Variants in RBFOX1 observed in about 807,000 individuals in gnomAD.
The protein encoded by RBFOX1 is RNA binding fox-1 homolog 1, also known as RNA binding protein fox-1 homolog 1.
In RBFOX1, 8 loss-of-function variants were observed where a neutral mutation model predicts 57.7. The ratio of observed to expected loss-of-function variants is 0.14; its 90% CI spans 0.08 to 0.25. The LOEUF (loss-of-function observed/expected upper bound fraction) is 0.25, where lower values mean the gene tolerates loss of function less well. Ranked by LOEUF, RBFOX1 falls within the 10% of genes least tolerant of loss-of-function variation. The pLI is 1.00. For synonymous variants in RBFOX1, 326 were observed against 222.4 expected (o/e 1.47, Z -4.15); for missense variants, 611 against 548.5 (o/e 1.11, Z -1.14).
intron 2 of RBFOX1, among the ~76,000 whole-genome samples, chr16:5,575,708 C>G (rs2046428931): frequency 6.6e-6 from 1 of 152,156 alleles, no homozygotes; most frequent in Admixed American, 6.5e-5. Flanking sequence ...ATTTGCCTTG[C>G]TTGATCTAAT....
At chr16:6,262,310 A>C (rs1171060538) in intron 1 of RBFOX1, among the ~76,000 whole-genome samples, 1 of 152,196 alleles carries the variant, frequency 6.6e-6, no homozygotes, top group Non-Finnish European at 1.5e-5. Flanking sequence ...AATTTCACTT[A>C]CATTTCATTA....
intron 2 of RBFOX1, among the ~76,000 whole-genome samples, chr16:5,525,607 C>T (rs551324366): frequency 3.3e-5 from 5 of 149,870 alleles, no homozygotes; most frequent in African/African-American, 1.2e-4. Context: ...AAGCAATTCT[C>T]CTGCCTCAGC....
chr16:5,389,503 G>C (rs1475715944), intron 1 of RBFOX1, among the ~76,000 whole-genome samples: 7 of 151,998 alleles, frequency 4.6e-5, no homozygotes. Context: ...TGTCCTCTGG[G>C]AGGCAAAGTC....
intron 4 of RBFOX1, among the ~76,000 whole-genome samples, chr16:7,233,634 T>C (rs1052385330): frequency 2.0e-5 from 3 of 152,214 alleles, no homozygotes; most frequent in Non-Finnish European, 4.4e-5. Flanking sequence ...GACATCCGAT[T>C]GTTTCCCTGG....
intron 9 of RBFOX1, among the ~76,000 whole-genome samples, chr16:7,604,896 G>A (rs2095223030): frequency 6.6e-6 from 1 of 152,160 alleles, no homozygotes. Context: ...GTATGGGAAA[G>A]ACACCATCTC....
intron 1 of RBFOX1, among the ~76,000 whole-genome samples, chr16:5,291,266 T>C (rs537482930): frequency 3.7e-4 from 54 of 147,570 alleles, no homozygotes; most frequent in African/African-American, 1.3e-3. Context: ...CATTGGTTTT[T>C]TTTTTTTTTT....
At chr16:6,322,174 C>T (rs17222960) in intron 2 of RBFOX1, among the ~76,000 whole-genome samples, 57,218 of 152,030 alleles carry the variant, frequency 0.38, 11,264 homozygotes, top group East Asian at 0.59. Flanking sequence ...GGACTTCTTA[C>T]TTACGTATCT....
At position 6,788,521 on chromosome 16, in the gene RBFOX1, G is replaced by A. The variant is rs578097666; in HGVS notation, c.-16+133871G>A. On this transcript the variant is annotated intron_variant, in intron 3 of 15. Transcript: ENST00000550418. Reference sequence around the variant, plus strand: ...CAGAGTCTCTTGCTCTGTCGCCCACGCTGGAGTGCAGTGGCGTGATCTCGG... The same window carrying A: ...CAGAGTCTCTTGCTCTGTCGCCCACACTGGAGTGCAGTGGCGTGATCTCGG... Among the ~76,000 whole-genome samples the A allele has an allele frequency of 7.9e-5, 12 of 151,188 alleles. No homozygotes were observed. In the South Asian group the frequency reaches 2.3e-3, roughly 29 times the overall value.
chr16:5,336,226 T>A (rs903064283), intron 1 of RBFOX1, among the ~76,000 whole-genome samples: 1 of 152,182 alleles, frequency 6.6e-6, no homozygotes, highest in Non-Finnish European at 1.5e-5. Flanking sequence ...CAAAGGGGGA[T>A]GGCACTGAGA....
intron 4 of RBFOX1, among the ~76,000 whole-genome samples, chr16:7,266,078 C>T (rs2095128669): frequency 6.7e-6 from 1 of 148,470 alleles, no homozygotes; most frequent in Non-Finnish European, 1.5e-5. Context: ...AGGTTCACGC[C>T]ATTCTCCTGC....
intron 1 of RBFOX1, among the ~76,000 whole-genome samples, chr16:6,043,120 GAAAAAAAAAAAAAAA>G (rs570358262): frequency 3.8e-4 from 27 of 70,232 alleles, no homozygotes; most frequent in African/African-American, 1.1e-3. Flanking sequence ...TGTGTTTCCA[GAAAAAAAAAAAAAAA>G]AAAAAAAAAA....
At chr16:7,195,718 A>G (rs1037575996) in intron 4 of RBFOX1, among the ~76,000 whole-genome samples, 18 of 151,916 alleles carry the variant, frequency 1.2e-4, no homozygotes, top group Non-Finnish European at 1.0e-4. Flanking sequence ...ACACTTGGCT[A>G]ATTTTTGTAT....
chr16:5,450,366 G>A (rs965850411), intron 1 of RBFOX1, among the ~76,000 whole-genome samples: 1 of 152,172 alleles, frequency 6.6e-6, no homozygotes, highest in Non-Finnish European at 1.5e-5. Flanking sequence ...TTGGCTGCAG[G>A]CTTATTACTC....
intron 4 of RBFOX1, among the ~76,000 whole-genome samples, chr16:7,249,440 A>G (rs868603741): frequency 5.9e-5 from 9 of 152,180 alleles, no homozygotes; most frequent in South Asian, 4.2e-4. Context: ...CTTTATACCA[A>G]TTTTACTTAC....
At chr16:7,523,018 C>G (rs1433114257) in intron 5 of RBFOX1, among the ~76,000 whole-genome samples, 1 of 152,154 alleles carries the variant, frequency 6.6e-6, no homozygotes, top group Non-Finnish European at 1.5e-5. Flanking sequence ...CCCCAGGGAA[C>G]CAGTGGGTCT....
chr16:5,875,659 C>A (rs2057588820), intron 4 of RBFOX1, among the ~76,000 whole-genome samples: 1 of 152,118 alleles, frequency 6.6e-6, no homozygotes, highest in African/African-American at 2.4e-5. Flanking sequence ...TCAACTAGAA[C>A]CAATTCCTGG....
intron 3 of RBFOX1, among the ~76,000 whole-genome samples, chr16:5,620,655 C>A (rs2151280121): frequency 6.6e-6 from 1 of 152,016 alleles, no homozygotes; most frequent in East Asian, 1.9e-4. Context: ...TGGATTAGGG[C>A]CACCCTAATC....
chr16:6,928,597 T>G (rs7184348), intron 3 of RBFOX1, among the ~76,000 whole-genome samples: 152,210 of 152,262 alleles, frequency 1, 76,079 homozygotes, highest in Middle Eastern at 1. Flanking sequence ...GCAATGTGTC[T>G]TACAGTTACC....
At chr16:7,149,792 G>A (rs964466449) in intron 4 of RBFOX1, among the ~76,000 whole-genome samples, 11 of 152,132 alleles carry the variant, frequency 7.2e-5, no homozygotes, top group African/African-American at 2.6e-4. Flanking sequence ...TTTCCATTAA[G>A]TAATGTCTAG....
Sources: gnomAD v4.1 joint callset for allele counts (sites outside exome capture counted in the v4.1 genomes callset) on GRCh38, gnomAD v4.1.1 for gene constraint, MANE v1.5 for transcripts, NCBI Gene and HGNC (gene_info 2026-07-23, HGNC 2026-07-21) for gene names.